The following ALG8 variants were observed in gnomAD, a reference collection of about 807,000 sequenced individuals.
ALG8 encodes the protein dolichyl pyrophosphate Glc1Man9GlcNAc2 alpha-1,3-glucosyltransferase.
A neutral mutation model predicts 70.2 loss-of-function variants in ALG8; 48 were observed. The ratio of observed to expected loss-of-function variants is 0.68; its 90% CI spans 0.54 to 0.87. The LOEUF (loss-of-function observed/expected upper bound fraction) is 0.87, where lower values mean the gene tolerates loss of function less well. Ranked by LOEUF, ALG8 falls within the 40% of genes least tolerant of loss-of-function variation. The pLI is 0.00. For missense variants in ALG8, 572 were observed against 608.7 expected (o/e 0.94, Z 0.64); for synonymous variants, 234 against 229.0 (o/e 1.02, Z -0.20).
intron 4 of ALG8, among the ~76,000 whole-genome samples, chr11:78,119,992 C>T (rs1214256578): frequency 6.6e-6 from 1 of 151,962 alleles, no homozygotes; most frequent in Non-Finnish European, 1.5e-5. Flanking sequence ...GTCCCAGCTA[C>T]TCGGGAGGCT....
Position 78,101,176 on chromosome 11 carries a change from TAA to T in ALG8, c.1367_1368del (p.Phe456Ter). The part of the protein sequence containing the change: ...KTLFRKEKPL[F>X]NWMETFYLLG... ...AGCAGGTAGAAAGTTTCCATCCAAT[TAA>T]AAAGAGGTTTTTCTTTTCTGAAGGA... On this transcript the variant is annotated frameshift_variant, in exon 13 of 13. Transcript: ENST00000299626. LOFTEE classifies it high-confidence loss of function. 6.2e-7 allele frequency: 1 copy of T among 1,613,984 alleles called. No homozygotes were observed. The highest frequency in any genetic ancestry group is 2.2e-5 in the East Asian group (1 of 44,888).
intron 1 of ALG8, among the ~76,000 whole-genome samples, chr11:78,136,734 G>C (rs765408076): frequency 6.6e-6 from 1 of 152,086 alleles, no homozygotes; most frequent in African/African-American, 2.4e-5. Context: ...AGATGTCATA[G>C]ATGGCATCTT....
intron 1 of ALG8, 117 bp from the exon 2 acceptor site, chr11:78,127,553 C>T (rs1331984718): frequency 1.2e-6 from 1 of 853,142 alleles, no homozygotes; most frequent in Non-Finnish European, 1.9e-6. Flanking sequence ...GCTCACTGTC[C>T]TATAGAGACA....
intron 12 of ALG8, among the ~76,000 whole-genome samples, chr11:78,103,197 C>T (rs563987582): frequency 1.3e-5 from 2 of 152,032 alleles, no homozygotes; most frequent in African/African-American, 4.8e-5. Context: ...CAGCAGCTCA[C>T]GCCTGTACTT....
intron 1 of ALG8, chr11:78,135,245 C>T (rs1476625770): frequency 6.6e-6 from 1 of 151,892 alleles, no homozygotes; most frequent in South Asian, 2.1e-4. Flanking sequence ...GTCCCAGCTA[C>T]TTGGCAGGTT....
Position 78,124,128 on chromosome 11 carries a change from T to C in ALG8, c.261A>G (p.Gln87=). Residue 87 remains glutamine (Q), a synonymous_variant, in exon 3 of 13, where the codon CAA becomes CAG. Coordinates refer to ENST00000299626, the MANE Select transcript of ALG8 (RefSeq NM_024079.5). ...ILSHVAKYFD[Q]EMLNVHNLNY... The stretch of plus-strand genomic sequence containing the variant: ...TCAAATTATGGACATTCAGCATTTC[T>C]TGATCAAAATATTTGGCAACATGTG... The C allele has an allele frequency of 6.2e-7, 1 of 1,614,170 alleles. No individual in the cohort carries two copies.
intron 2 of ALG8, 115 bp from the exon 3 acceptor site, chr11:78,124,329 G>T: frequency 9.3e-7 from 1 of 1,077,432 alleles, no homozygotes; most frequent in Non-Finnish European, 1.4e-6. Flanking sequence ...AAGGCTGGGC[G>T]TGGTAGCTCA....
chr11:78,128,325 C>A (rs1299161910), intron 1 of ALG8, among the ~76,000 whole-genome samples: 1 of 152,198 alleles, frequency 6.6e-6, no homozygotes, highest in Admixed American at 6.5e-5. Context: ...TCAATACATT[C>A]TTGCTGAATA....
At position 78,109,434 on chromosome 11, in the gene ALG8, G is replaced by A. The variant is rs1860182944; in HGVS notation, c.1038+8C>T. On this transcript the variant is annotated splice_region_variant and intron_variant, in intron 9 of 12. Coordinates refer to ENST00000299626, the MANE Select transcript of ALG8 (RefSeq NM_024079.5). ...TCAAGAAATGAGCACCATCTGTTGA[G>A]TTCTTACCAATATGGCAATCAGTGT... 4.3e-6 allele frequency: 7 copies of A among 1,614,126 alleles called. No individual in the cohort carries two copies. The highest frequency in any genetic ancestry group is 8.5e-7 in the Non-Finnish European group (1 of 1,180,006).
In ALG8 at chr11:78,127,390, G is replaced by A; in HGVS notation, c.142C>T (p.His48Tyr). ...TACCACTGTGATATTGGCAAACTGT[G>A]AGTGATAGCAAGCCAGTTTCGGTGT... is the stretch of plus-strand genomic sequence containing the variant. ...EVHRNWLAIT[H>Y]SLPISQWYYE... Residue 48 changes from histidine (H) to tyrosine (Y), a missense_variant, in exon 2 of 13, where the codon CAC (histidine) becomes TAC (tyrosine). Transcript: ENST00000299626. 1.2e-6 allele frequency: 2 copies of A among 1,613,712 alleles called. No homozygotes were observed. The highest frequency in any genetic ancestry group is 2.7e-5 in the African/African-American group (2 of 74,960).
At chr11:78,105,769 C>A (rs1039555981) in intron 10 of ALG8, among the ~76,000 whole-genome samples, 1 of 150,694 alleles carries the variant, frequency 6.6e-6, no homozygotes, top group Non-Finnish European at 1.5e-5. Flanking sequence ...AGTGCAGTGG[C>A]GCCATCTTGG....
Position 78,127,411 on chromosome 11 carries a change from G to A in ALG8, c.121C>T (p.Arg41Ter), listed in dbSNP as rs200888240. 47 of 1,613,550 alleles carry A rather than the reference G, an allele frequency of 2.9e-5. No individual in the cohort carries two copies. Among genetic ancestry groups the A allele is most frequent in the African/African-American group, 8.0e-5 (6 of 74,924 alleles). Reference sequence around the variant, plus strand: ...CTGTGAGTGATAGCAAGCCAGTTTCGGTGTACTTCAAAATCTGTGGAATGG... The same window carrying A: ...CTGTGAGTGATAGCAAGCCAGTTTCAGTGTACTTCAAAATCTGTGGAATGG... ...TYHSTDFEVHRNWLAITHSLP... is the reference protein window; with the variant it reads ...TYHSTDFEVH Residue 41 changes from arginine to a stop codon, truncating the protein, a stop_gained, in exon 2 of 13, where the codon CGA (arginine) becomes TGA (stop). Coordinates refer to ENST00000299626, the MANE Select transcript of ALG8 (RefSeq NM_024079.5). LOFTEE classifies it high-confidence loss of function.
chr11:78,139,344 T>C (rs1287136085), intron 1 of ALG8, 150 bp downstream of exon 1: 3 of 800,762 alleles, frequency 3.7e-6, no homozygotes, highest in East Asian at 5.4e-5. Flanking sequence ...AAGTAACAAC[T>C]GGCGAAACAG....
intron 10 of ALG8, among the ~76,000 whole-genome samples, chr11:78,104,963 CAAAA>C (rs35118926): frequency 1.9e-5 from 2 of 104,184 alleles, no homozygotes; most frequent in Non-Finnish European, 2.0e-5. Context: ...GACTCTGTCT[CAAAA>C]AAAAAAAAAA....
intron 7 of ALG8, 83 bp downstream of exon 7, chr11:78,113,803 T>A (rs1860423699): frequency 2.6e-6 from 3 of 1,153,528 alleles, no homozygotes; most frequent in Non-Finnish European, 1.2e-6. Context: ...TTTACTTATT[T>A]TACATATTCC....
chr11:78,123,995 T>A, intron 3 of ALG8, 26 bp downstream of exon 3: 1 of 1,613,066 alleles, frequency 6.2e-7, no homozygotes, highest in Non-Finnish European at 8.5e-7. Context: ...ATACCTTCCA[T>A]ACAAAATGAC....
intron 1 of ALG8, among the ~76,000 whole-genome samples, chr11:78,130,643 T>TC (rs1280074650): frequency 1.2e-4 from 18 of 152,198 alleles, no homozygotes; most frequent in Non-Finnish European, 2.2e-4. Flanking sequence ...CTCTTTACTT[T>TC]ATGGTTTTCC....
chr11:78,126,157 T>C (rs1000077786), intron 2 of ALG8, among the ~76,000 whole-genome samples: 2 of 150,266 alleles, frequency 1.3e-5, no homozygotes, highest in Non-Finnish European at 3.0e-5. Context: ...AGACTCCGTC[T>C]CAAAAAAAAA....
intron 1 of ALG8, among the ~76,000 whole-genome samples, chr11:78,132,997 C>T (rs986567170): frequency 2.6e-5 from 4 of 152,120 alleles, no homozygotes; most frequent in Admixed American, 1.3e-4. Context: ...CCACCACACC[C>T]GGCTAATTTT....
Sources: gnomAD v4.1 joint callset for allele counts (sites outside exome capture counted in the v4.1 genomes callset) on GRCh38, gnomAD v4.1.1 for gene constraint, MANE v1.5 for transcripts, NCBI Gene and HGNC (gene_info 2026-07-23, HGNC 2026-07-21) for gene names.